The following NELL1 variants were observed in gnomAD, a reference collection of about 807,000 sequenced individuals.
NELL1 encodes protein kinase C-binding protein NELL1.
NELL1 carries 76 observed loss-of-function variants against 107.4 expected under a neutral mutation model. The ratio of observed to expected loss-of-function variants is 0.71; its 90% CI spans 0.59 to 0.86. The LOEUF (loss-of-function observed/expected upper bound fraction) is 0.86, where lower values mean the gene tolerates loss of function less well. Among genes scored for constraint, NELL1 ranks in the 40% least tolerant of loss-of-function variants. NELL1 has a pLI of 0.00. For missense variants in NELL1, 1,024 were observed against 1,005.5 expected, an observed-to-expected ratio of 1.02 and a Z score of -0.25; for synonymous variants, 353 against 341.2, an observed-to-expected ratio of 1.03 and a Z score of -0.38.
At chr11:21,161,508 G>T (rs1229110572) in intron 13 of NELL1, among the ~76,000 whole-genome samples, 1 of 152,148 alleles carries the variant, frequency 6.6e-6, no homozygotes, top group Non-Finnish European at 1.5e-5. Flanking sequence ...CTGCATTCCA[G>T]CCTGGGTGAC....
intron 2 of NELL1, among the ~76,000 whole-genome samples, chr11:20,767,129 C>G (rs1375984770): frequency 1.3e-5 from 2 of 152,170 alleles, no homozygotes; most frequent in Non-Finnish European, 2.9e-5. Context: ...TTGGTTCCTT[C>G]AGGTGGGTTC....
At chr11:21,523,112 G>T (rs1243685380) in intron 15 of NELL1, among the ~76,000 whole-genome samples, 2 of 151,938 alleles carry the variant, frequency 1.3e-5, no homozygotes, top group Non-Finnish European at 1.5e-5. Context: ...ATCCCAAAGA[G>T]CTGGGATTAC....
intron 9 of NELL1, among the ~76,000 whole-genome samples, chr11:20,931,653 A>T (rs1029213966): frequency 5.3e-5 from 8 of 152,170 alleles, no homozygotes; most frequent in Admixed American, 2.6e-4. Flanking sequence ...TTTTTAATCC[A>T]GTCTGACAGT....
In NELL1 at chr11:20,869,575, A is replaced by C. The variant is rs16906940; in HGVS notation, c.507-15869A>C. 6.3e-3 allele frequency among the ~76,000 whole-genome samples: 953 copies of C among 152,320 alleles called. 13 individuals are homozygous for C. The highest frequency in any genetic ancestry group is 0.021 in the African/African-American group (879 of 41,576). ...GATACAATTTGAGTGCATAAGTGCA[A>C]AAATAGGTGAAATGAGAACTATTCT... On this transcript the variant is annotated intron_variant, in intron 4 of 19. Coordinates refer to ENST00000357134, the MANE Select transcript of NELL1 (RefSeq NM_006157.5).
At chr11:21,076,681 G>A (rs995620770) in intron 12 of NELL1, among the ~76,000 whole-genome samples, 2 of 152,178 alleles carry the variant, frequency 1.3e-5, no homozygotes, top group Non-Finnish European at 2.9e-5. Context: ...TGGAGGTAGG[G>A]CCTAATTGGA....
rs7105940 is a variant in NELL1 at position 20,814,152 on chromosome 11, C to T, written c.335+30322C>T. Among the ~76,000 whole-genome samples, 851 of 151,660 alleles carry T rather than the reference C, an allele frequency of 5.6e-3. 3 individuals are homozygous for T. Among genetic ancestry groups the T allele is most frequent in the African/African-American group, 0.011 (453 of 41,370 alleles). ...TTGGGACTACAGGCGCACACCGCCA[C>T]GCCCGGCTAATTTTTGCATTTTTAG... is the stretch of plus-strand genomic sequence containing the variant. On this transcript the variant is annotated intron_variant, in intron 3 of 19. Transcript: ENST00000357134.
chr11:21,026,035 A>T (rs1852806614), intron 12 of NELL1, among the ~76,000 whole-genome samples: 1 of 152,084 alleles, frequency 6.6e-6, no homozygotes, highest in Non-Finnish European at 1.5e-5. Context: ...TCGCATTTTT[A>T]TTGTCATCAT....
At chr11:21,503,293 T>C (rs1241588379) in intron 15 of NELL1, among the ~76,000 whole-genome samples, 2 of 152,216 alleles carry the variant, frequency 1.3e-5, no homozygotes, top group African/African-American at 2.4e-5. Flanking sequence ...AAGTTCAGTG[T>C]TATGCTATCT....
At chr11:20,690,438 C>G (rs2133865410) in intron 2 of NELL1, among the ~76,000 whole-genome samples, 2 of 152,128 alleles carry the variant, frequency 1.3e-5, no homozygotes, top group East Asian at 3.9e-4. Context: ...AGTCTTTAAT[C>G]CATCTTGAAT....
intron 2 of NELL1, among the ~76,000 whole-genome samples, chr11:20,714,194 A>ATTTTTTTTTT (rs34441596): frequency 6.5e-5 from 4 of 61,772 alleles, no homozygotes; most frequent in Admixed American, 2.7e-4. Flanking sequence ...TATCTCCCCG[A>ATTTTTTTTTT]TTTTTTTTTT....
chr11:20,759,916 C>T (rs1856381917), intron 2 of NELL1, among the ~76,000 whole-genome samples: 1 of 152,186 alleles, frequency 6.6e-6, no homozygotes, highest in Non-Finnish European at 1.5e-5. Flanking sequence ...CCAGAATCCA[C>T]AGAATCTCTT....
At chr11:21,197,992 A>T (rs1857190890) in intron 13 of NELL1, among the ~76,000 whole-genome samples, 1 of 152,186 alleles carries the variant, frequency 6.6e-6, no homozygotes, top group South Asian at 2.1e-4. Context: ...ATTCAGATAG[A>T]GCCCCGCAGG....
chr11:21,480,474 T>C (rs1001608409), intron 15 of NELL1, among the ~76,000 whole-genome samples: 2 of 152,160 alleles, frequency 1.3e-5, no homozygotes, highest in African/African-American at 4.8e-5. Context: ...CTTTCAGAAG[T>C]GAAGCTATTA....
Position 20,927,291 on chromosome 11 carries a change from G to A in NELL1, c.760-17G>A. The A allele has an allele frequency of 3.1e-6, 5 of 1,594,280 alleles. No individual in the cohort carries two copies. The highest frequency in any genetic ancestry group is 4.3e-6 in the Non-Finnish European group (5 of 1,174,944). The stretch of plus-strand genomic sequence containing the variant: ...AATTGAATTACAGAAATTACATTCA[G>A]TAACTCTTGTTTGCAGCTAAATTAT... On this transcript the variant is annotated splice_polypyrimidine_tract_variant and intron_variant, in intron 7 of 19. Coordinates refer to ENST00000357134, the MANE Select transcript of NELL1 (RefSeq NM_006157.5).
chr11:20,855,357 A>G (rs1848863651), intron 4 of NELL1, among the ~76,000 whole-genome samples: 2 of 152,194 alleles, frequency 1.3e-5, no homozygotes, highest in Non-Finnish European at 2.9e-5. Context: ...ACTGGGAAAA[A>G]ATACAATAGA....
At chr11:20,703,334 A>T (rs753137700) in intron 2 of NELL1, among the ~76,000 whole-genome samples, 21 of 152,000 alleles carry the variant, frequency 1.4e-4, no homozygotes, top group Non-Finnish European at 2.8e-4. Flanking sequence ...TTTCTGTGGG[A>T]TCGGTGGTGA....
chr11:21,191,365 C>T (rs1306683406), intron 13 of NELL1, among the ~76,000 whole-genome samples: 1 of 151,510 alleles, frequency 6.6e-6, no homozygotes, highest in Admixed American at 6.6e-5. Context: ...AGTCACAAGC[C>T]AAAGAATGCA....
chr11:20,763,718 T>A (rs1856471800), intron 2 of NELL1, among the ~76,000 whole-genome samples: 1 of 152,252 alleles, frequency 6.6e-6, no homozygotes, highest in South Asian at 2.1e-4. Flanking sequence ...GCTGAGGGAC[T>A]CATACTACAG....
intron 12 of NELL1, among the ~76,000 whole-genome samples, chr11:20,975,949 A>ATG (rs1234555143): frequency 3.8e-5 from 5 of 130,466 alleles, no homozygotes; most frequent in African/African-American, 1.5e-4. Context: ...GTGTACATAT[A>ATG]TGTACATTAT....
Sources: allele counts gnomAD v4.1 joint callset (sites outside exome capture counted in the v4.1 genomes callset), GRCh38; gene constraint gnomAD v4.1.1; transcripts MANE v1.5; gene names NCBI Gene and HGNC (gene_info 2026-07-23, HGNC 2026-07-21).